The following SLC39A12 variants were observed in gnomAD, a reference collection of about 807,000 sequenced individuals.
SLC39A12 encodes the protein solute carrier family 39 member 12, also known as zinc transporter ZIP12.
SLC39A12 carries 63 observed loss-of-function variants against 71.1 expected under a neutral mutation model. That is an observed-to-expected ratio of 0.89 (90% CI 0.72 to 1.09). The LOEUF is 1.09. Among genes scored for constraint, SLC39A12 ranks in the 50% least tolerant of loss-of-function variants. The pLI, the probability that SLC39A12 is intolerant of heterozygous loss-of-function variation, is 0.00. For synonymous variants in SLC39A12, 351 were observed against 301.3 expected, an observed-to-expected ratio of 1.16 and a Z score of -1.71; for missense variants, 892 against 812.6, an observed-to-expected ratio of 1.10 and a Z score of -1.19.
intron 12 of SLC39A12, chr10:18,005,933 T>C (rs1836003745): frequency 6.6e-6 from 1 of 152,186 alleles, no homozygotes; most frequent in Non-Finnish European, 1.5e-5. Flanking sequence ...CTGAGCAACT[T>C]CTAAACAAAC....
intron 12 of SLC39A12, among the ~76,000 whole-genome samples, chr10:18,036,114 CT>C (rs1373544619): frequency 2.0e-5 from 3 of 152,250 alleles, no homozygotes; most frequent in African/African-American, 7.2e-5. Context: ...TGTCTGTGCC[CT>C]GCCCCCAGAG....
At chr10:18,015,979 C>T (rs1422229206) in intron 12 of SLC39A12, among the ~76,000 whole-genome samples, 6 of 152,092 alleles carry the variant, frequency 3.9e-5, no homozygotes, top group African/African-American at 1.4e-4. Context: ...GCACAACCAC[C>T]CCGCTATTGA....
intron 12 of SLC39A12, among the ~76,000 whole-genome samples, chr10:18,015,750 G>C (rs1836359684): frequency 1.3e-5 from 2 of 151,926 alleles, no homozygotes; most frequent in Non-Finnish European, 2.9e-5. Context: ...CTCTTGTTAA[G>C]AGTGCTTCTA....
At chr10:18,029,819 A>T (rs1589256630) in intron 12 of SLC39A12, among the ~76,000 whole-genome samples, 1 of 151,554 alleles carries the variant, frequency 6.6e-6, no homozygotes, top group East Asian at 1.9e-4. Flanking sequence ...ACAAAAAAAT[A>T]AAATAAATAC....
At chr10:18,024,700 A>C (rs1836626299) in intron 12 of SLC39A12, among the ~76,000 whole-genome samples, 1 of 152,180 alleles carries the variant, frequency 6.6e-6, no homozygotes, top group South Asian at 2.1e-4. Context: ...CTGATGGACG[A>C]ATGTTAAAGT....
At chr10:17,959,353 C>T (rs1554848080) in intron 2 of SLC39A12, among the ~76,000 whole-genome samples, 1 of 151,982 alleles carries the variant, frequency 6.6e-6, no homozygotes, top group East Asian at 1.9e-4. Context: ...TGACCCCCTG[C>T]AGTTGGGTTC....
intron 7 of SLC39A12, 61 bp from the exon 8 acceptor site, chr10:17,991,090 A>T: frequency 1.4e-6 from 2 of 1,464,710 alleles, no homozygotes; most frequent in Non-Finnish European, 1.8e-6. Flanking sequence ...TTTAATAGTT[A>T]AGTCATCAAG....
chr10:18,041,449 T>C (rs536644858), intron 12 of SLC39A12, among the ~76,000 whole-genome samples: 1 of 149,686 alleles, frequency 6.7e-6, no homozygotes, highest in Admixed American at 6.7e-5. Flanking sequence ...TAAGCTGAGA[T>C]CCCACCACTG....
At chr10:18,026,188 C>A (rs1423149017) in intron 12 of SLC39A12, among the ~76,000 whole-genome samples, 1 of 152,126 alleles carries the variant, frequency 6.6e-6, no homozygotes, top group East Asian at 1.9e-4. Flanking sequence ...TGACCAGTAT[C>A]CTTTCCCTTG....
intron 12 of SLC39A12, among the ~76,000 whole-genome samples, chr10:18,030,878 A>C (rs1836828326): frequency 7.0e-6 from 1 of 142,658 alleles, no homozygotes; most frequent in Non-Finnish European, 1.5e-5. Context: ...ATTCCCACCT[A>C]TGAGTGAGAA....
chr10:17,995,594 AT>A, intron 9 of SLC39A12, 61 bp from the exon 10 acceptor site: 2 of 1,497,182 alleles, frequency 1.3e-6, no homozygotes, highest in Non-Finnish European at 9.2e-7. Context: ...CAGATGTTTC[AT>A]TTTTCAACAA....
chr10:18,008,977 C>T (rs1297843511), intron 12 of SLC39A12, among the ~76,000 whole-genome samples: 1 of 152,002 alleles, frequency 6.6e-6, no homozygotes, highest in African/African-American at 2.4e-5. Flanking sequence ...AAAAAAAGCC[C>T]TCAAAGTATT....
chr10:17,955,225 C>T (rs1380988973), intron 2 of SLC39A12, among the ~76,000 whole-genome samples: 2 of 152,176 alleles, frequency 1.3e-5, no homozygotes, highest in Admixed American at 6.5e-5. Flanking sequence ...TTAGCACTTA[C>T]TGTTTTCTGT....
intron 12 of SLC39A12, among the ~76,000 whole-genome samples, chr10:18,030,244 G>A (rs1836800551): frequency 6.6e-6 from 1 of 151,816 alleles, no homozygotes; most frequent in Non-Finnish European, 1.5e-5. Flanking sequence ...ATATCTATGA[G>A]CTTGCAAACT....
intron 7 of SLC39A12, 26 bp from the exon 8 acceptor site, chr10:17,991,125 C>CTTT (rs58262664): frequency 0.24 from 311,254 of 1,303,810 alleles, 10,054 homozygotes; most frequent in Non-Finnish European, 0.26. Flanking sequence ...TTCTCTCTGC[C>CTTT]TTTTTTTTTT....
intron 11 of SLC39A12, chr10:18,002,649 T>C (rs1835869880): frequency 6.6e-6 from 1 of 152,278 alleles, no homozygotes; most frequent in African/African-American, 2.4e-5. Flanking sequence ...ATGGAGAGAA[T>C]GAGATCATTT....
At chr10:18,010,877 G>A (rs1045386694) in intron 12 of SLC39A12, among the ~76,000 whole-genome samples, 18 of 152,176 alleles carry the variant, frequency 1.2e-4, no homozygotes, top group East Asian at 5.8e-4. Flanking sequence ...AAGACCAACC[G>A]TTCCTCCTCC....
intron 10 of SLC39A12, among the ~76,000 whole-genome samples, chr10:17,998,540 C>T (rs970879444): frequency 1.3e-5 from 2 of 152,110 alleles, no homozygotes; most frequent in African/African-American, 4.8e-5. Context: ...AATAAGAACT[C>T]CCTGAATTCA....
chr10:17,997,684 A>G (rs1198314059), intron 10 of SLC39A12, among the ~76,000 whole-genome samples: 1 of 152,222 alleles, frequency 6.6e-6, no homozygotes, highest in Non-Finnish European at 1.5e-5. Context: ...TACATTACTC[A>G]ACTGCCCCTT....
Sources: gnomAD v4.1 joint callset for allele counts (sites outside exome capture counted in the v4.1 genomes callset) on GRCh38, gnomAD v4.1.1 for gene constraint, MANE v1.5 for transcripts, NCBI Gene and HGNC (gene_info 2026-07-23, HGNC 2026-07-21) for gene names.